The following TMCO4 variants were observed in gnomAD, a reference collection of about 807,000 sequenced individuals.
TMCO4 encodes transmembrane and coiled-coil domains 4.
In TMCO4, 58 loss-of-function variants were observed where a neutral mutation model predicts 64.7. That is an observed-to-expected ratio of 0.90 (90% confidence interval 0.73 to 1.12). The LOEUF (loss-of-function observed/expected upper bound fraction) is 1.12, where lower values mean the gene tolerates loss of function less well. Among genes scored for constraint, TMCO4 ranks in the 50% most tolerant of loss-of-function variants. The pLI is 0.00. For missense variants in TMCO4, 780 were observed against 825.9 expected, an observed-to-expected ratio of 0.94 and a Z score of 0.68; for synonymous variants, 325 against 346.1, an observed-to-expected ratio of 0.94 and a Z score of 0.68.
rs886272538 is a variant in TMCO4, at chr1:19,740,938, G to C, written c.881C>G (p.Thr294Ser). 6.2e-7 allele frequency: 1 copy of C among 1,600,180 alleles called. No individual in the cohort carries two copies. Among genetic ancestry groups the C allele is most frequent in the African/African-American group, 1.3e-5 (1 of 74,618 alleles). The change falls in exon 11 of 16, where the codon ACC becomes AGC. Residue 294 changes from threonine to serine, a missense_variant. By Grantham distance (58) the Thr-to-Ser change is moderately conservative. Coordinates refer to ENST00000294543, the MANE Select transcript of TMCO4 (RefSeq NM_181719.7). ...CAGGGCAGCCCACGGGGCACTGAAG[G>C]TGCCTGGGGAGATCACAGGTAGGTG... is the stretch of plus-strand genomic sequence containing the variant. ...TGWLASGKYR[T>S]FSAPWAALAH...
At chr1:19,788,983 G>A (rs1345445512) in intron 2 of TMCO4, among the ~76,000 whole-genome samples, 4 of 151,938 alleles carry the variant, frequency 2.6e-5, no homozygotes, top group African/African-American at 7.3e-5. Flanking sequence ...GCTGAGGCAG[G>A]AGAATGGCGT....
At chr1:19,787,296 G>A (rs1438490725) in intron 2 of TMCO4, among the ~76,000 whole-genome samples, 179 bp from the exon 3 acceptor site, 1 of 152,186 alleles carries the variant, frequency 6.6e-6, no homozygotes, top group Non-Finnish European at 1.5e-5. Context: ...TCTCAATAGG[G>A]TGGTAGGGCA....
intron 4 of TMCO4, among the ~76,000 whole-genome samples, chr1:19,775,283 G>A (rs1367823544): frequency 6.6e-6 from 1 of 152,098 alleles, no homozygotes; most frequent in African/African-American, 2.4e-5. Flanking sequence ...CACCATGTTG[G>A]CCAGGCTGGT....
Position 19,747,192 on chromosome 1 carries a change from A to G in TMCO4, c.584T>C (p.Leu195Pro). 1 of 1,614,026 alleles carries G rather than the reference A, an allele frequency of 6.2e-7. No homozygotes were observed. The highest frequency in any genetic ancestry group is 1.1e-5 in the South Asian group (1 of 91,072). ...RKWKRYLLIG[L>P]ATVGGGTVIG... is the part of the protein sequence containing the mutation. ...CACCGTTCCGCCTCCGACAGTCGCC[A>G]GGCCTATCAGGAGATAACGCTTCCA... The change falls in exon 8 of 16, where the codon CTG becomes CCG. Residue 195 changes from leucine to proline, a missense_variant. Transcript: ENST00000294543.
At chr1:19,755,277 C>T (rs561396185) in intron 7 of TMCO4, among the ~76,000 whole-genome samples, 2 of 152,308 alleles carry the variant, frequency 1.3e-5, no homozygotes, top group Admixed American at 1.3e-4. Flanking sequence ...AGGCACATGC[C>T]AGCGTGCCCG....
chr1:19,716,482 G>A (rs937217480), intron 13 of TMCO4, among the ~76,000 whole-genome samples: 3 of 147,706 alleles, frequency 2.0e-5, no homozygotes, highest in East Asian at 4.0e-4. Context: ...TGCCTTCCTC[G>A]GCCTCCCAAA....
chr1:19,783,972 A>T (rs892792224), intron 3 of TMCO4, among the ~76,000 whole-genome samples: 3 of 152,212 alleles, frequency 2.0e-5, no homozygotes, highest in Non-Finnish European at 4.4e-5. Context: ...AGCATAAACC[A>T]TGAACTAAGG....
intron 2 of TMCO4, among the ~76,000 whole-genome samples, chr1:19,791,853 T>C (rs2044056056): frequency 6.6e-6 from 1 of 152,170 alleles, no homozygotes; most frequent in African/African-American, 2.4e-5. Context: ...TGATATAGTT[T>C]GGCTGTGTCC....
At chr1:19,725,141 C>G (rs1031356398) in intron 13 of TMCO4, among the ~76,000 whole-genome samples, 2 of 152,266 alleles carry the variant, frequency 1.3e-5, no homozygotes, top group Admixed American at 6.5e-5. Context: ...TTACAGATGG[C>G]AAACAGATGG....
chr1:19,707,094 C>G (rs55922021), intron 13 of TMCO4, among the ~76,000 whole-genome samples: 1 of 152,174 alleles, frequency 6.6e-6, no homozygotes, highest in Non-Finnish European at 1.5e-5. Context: ...GCAATGGCCT[C>G]GAAGCCCTGC....
chr1:19,706,666 G>T (rs2095304777), intron 13 of TMCO4, among the ~76,000 whole-genome samples: 1 of 152,024 alleles, frequency 6.6e-6, no homozygotes, highest in Non-Finnish European at 1.5e-5. Flanking sequence ...TATAACTTTG[G>T]CATTAAGGCA....
rs529587507 is a variant in TMCO4 at position 19,734,154 on chromosome 1, C to T, written c.1264+3218G>A. 1.9e-4 allele frequency among the ~76,000 whole-genome samples: 29 copies of T among 152,206 alleles called. No homozygotes were observed. The South Asian group carries it at 2.3e-3, about 12-fold the overall frequency. ...TATCTAGAAAAGGAGACAGAGAGGA[C>T]GGACCAAGAGGGAACAATGGAAATA... On this transcript the variant is annotated intron_variant, in intron 13 of 15. Transcript: ENST00000294543. The surrounding 1 kb of genome is among the most constrained non-coding windows in gnomAD (Gnocchi z 4.4).
intron 4 of TMCO4, among the ~76,000 whole-genome samples, chr1:19,773,413 G>A (rs2043072050): frequency 1.3e-5 from 2 of 152,110 alleles, no homozygotes; most frequent in Non-Finnish European, 2.9e-5. Flanking sequence ...AAGATGGGAT[G>A]ACACTTCGGA....
intron 13 of TMCO4, among the ~76,000 whole-genome samples, chr1:19,716,916 G>T (rs919868973): frequency 9.2e-5 from 14 of 152,146 alleles, no homozygotes; most frequent in African/African-American, 3.1e-4. Flanking sequence ...GGCCGGGCGC[G>T]GTGGCTCAAG....
intron 6 of TMCO4, among the ~76,000 whole-genome samples, chr1:19,757,244 T>G (rs961907923): frequency 2.6e-5 from 4 of 152,076 alleles, no homozygotes; most frequent in African/African-American, 9.7e-5. Context: ...ATTTAGCATC[T>G]TACGGTTCTG....
At chr1:19,771,799 G>A (rs558112134) in intron 4 of TMCO4, among the ~76,000 whole-genome samples, 53 of 152,218 alleles carry the variant, frequency 3.5e-4, no homozygotes, top group African/African-American at 1.2e-3. Flanking sequence ...TGGGACTATA[G>A]GTGCCCGCCA....
chr1:19,780,144 A>G (rs1193213404), intron 4 of TMCO4, among the ~76,000 whole-genome samples: 1 of 152,122 alleles, frequency 6.6e-6, no homozygotes, highest in Non-Finnish European at 1.5e-5. Context: ...TGCCACCTAG[A>G]TCCCTCGCGT....
intron 4 of TMCO4, among the ~76,000 whole-genome samples, 200 bp from the exon 5 acceptor site, chr1:19,771,682 GT>G (rs1476283660): frequency 2.0e-5 from 3 of 152,168 alleles, no homozygotes; most frequent in African/African-American, 7.2e-5. Flanking sequence ...TTGAGATGGA[GT>G]TTCGCTCTTG....
rs2095112982 is a variant in TMCO4 at position 19,682,868 on chromosome 1, C to T, written c.*172G>A. 1.0e-6 allele frequency: 1 copy of T among 998,972 alleles called. No individual in the cohort carries two copies. Among genetic ancestry groups the T allele is most frequent in the African/African-American group, 1.6e-5 (1 of 61,774 alleles). 61.9% of individuals were successfully genotyped at this position (998,972 alleles called of 1,614,324 possible). A position where few individuals can be genotyped will look rare whatever the true frequency, so the allele number is the denominator to read the frequency against. On this transcript the variant is annotated 3_prime_UTR_variant, in exon 16 of 16. Coordinates refer to ENST00000294543, the MANE Select transcript of TMCO4 (RefSeq NM_181719.7). ...CTTCCCAAGGGTGGGCGTGTTCTCT[C>T]CTCCAAATTCCCCTTCCTTCCATTT...
Sources: allele counts gnomAD v4.1 joint callset (sites outside exome capture counted in the v4.1 genomes callset), GRCh38; gene constraint gnomAD v4.1.1; non-coding constraint Gnocchi (gnomAD v3.1); transcripts MANE v1.5; gene names NCBI Gene and HGNC (gene_info 2026-07-23, HGNC 2026-07-21).